COG5: variants seen among roughly 807,000 people sequenced by gnomAD.
COG5 encodes the protein conserved oligomeric Golgi complex subunit 5.
Under a neutral mutation model 110.4 loss-of-function variants are expected in COG5, and 86 were observed. The ratio of observed to expected loss-of-function variants is 0.78; its 90% CI spans 0.65 to 0.93. COG5 has a LOEUF of 0.93. COG5 is among the 40% of genes least tolerant of loss of function. COG5 has a pLI of 0.00. For missense variants in COG5, 1,077 were observed against 987.0 expected (o/e 1.09, Z -1.22); for synonymous variants, 360 against 334.6 (o/e 1.08, Z -0.83).
At chr7:107,392,148 A>C (rs1235853966) in intron 7 of COG5, among the ~76,000 whole-genome samples, 1 of 152,140 alleles carries the variant, frequency 6.6e-6, no homozygotes, top group Admixed American at 6.5e-5. Context: ...TTTCCTCCAG[A>C]GGTTTACCTG....
chr7:107,299,223 T>C (rs1055709554), intron 11 of COG5, among the ~76,000 whole-genome samples: 5 of 151,830 alleles, frequency 3.3e-5, no homozygotes, highest in Admixed American at 6.6e-5. Flanking sequence ...AAACAAGAAA[T>C]ATTGAAACCA....
intron 6 of COG5, among the ~76,000 whole-genome samples, chr7:107,417,741 T>C (rs566502222): frequency 6.6e-6 from 1 of 152,162 alleles, no homozygotes; most frequent in Non-Finnish European, 1.5e-5. Context: ...TATGCTTCTA[T>C]AAGAAATATG....
intron 7 of COG5, among the ~76,000 whole-genome samples, chr7:107,379,480 T>C (rs913549811): frequency 2.6e-5 from 4 of 151,544 alleles, no homozygotes; most frequent in South Asian, 2.1e-4. Context: ...GACTAGTAAA[T>C]TGGATAAAGA....
intron 10 of COG5, among the ~76,000 whole-genome samples, chr7:107,360,239 G>C (rs932499485): frequency 1.3e-5 from 2 of 152,172 alleles, no homozygotes; most frequent in African/African-American, 4.8e-5. Flanking sequence ...TCTCCACTAA[G>C]AGCTGGACAC....
Position 107,297,443 on chromosome 7 carries a change from C to CTTT in COG5, c.1313+696_1313+698dup, listed in dbSNP as rs71314693. ...TACCCAAGGGATGAGTACATTCTGC[C>CTTT]TTTTTTTTTTTTTTTTTTTTTTTGA... On this transcript the variant is annotated intron_variant, in intron 12 of 21. Coordinates refer to ENST00000297135, the MANE Select transcript of COG5 (RefSeq NM_006348.5). Among the ~76,000 whole-genome samples the CTTT allele has an allele frequency of 8.9e-3, 694 of 77,882 alleles. 4 individuals carry two copies. Among genetic ancestry groups the CTTT allele is most frequent in the African/African-American group, 0.015 (284 of 18,798 alleles). The allele number at this position is 77,882 out of a possible 152,430, so 51.1% of individuals were successfully genotyped here.
intron 17 of COG5, among the ~76,000 whole-genome samples, chr7:107,245,017 A>C (rs564460613): frequency 2.4e-4 from 37 of 152,170 alleles, no homozygotes; most frequent in Non-Finnish European, 4.4e-4. Context: ...ACTTCAGGCC[A>C]ATCGAGTAGG....
intron 6 of COG5, among the ~76,000 whole-genome samples, chr7:107,486,999 A>C (rs1189603494): frequency 6.6e-6 from 1 of 152,230 alleles, no homozygotes; most frequent in African/African-American, 2.4e-5. Context: ...TAAAATCATA[A>C]AAATATCCAA....
intron 19 of COG5, among the ~76,000 whole-genome samples, chr7:107,229,825 CTGTT>C (rs1309659632): frequency 7.6e-6 from 1 of 132,160 alleles, no homozygotes; most frequent in African/African-American, 2.7e-5. Context: ...CTAGATTCTT[CTGTT>C]TTTTTTTTGG....
intron 11 of COG5, among the ~76,000 whole-genome samples, chr7:107,298,572 A>C (rs1159254167): frequency 2.6e-5 from 4 of 152,190 alleles, no homozygotes; most frequent in Non-Finnish European, 5.9e-5. Context: ...ATTTAAAAAA[A>C]ATAGAAAAGC....
At chr7:107,342,464 G>A (rs1486793547) in intron 10 of COG5, among the ~76,000 whole-genome samples, 1 of 151,676 alleles carries the variant, frequency 6.6e-6, no homozygotes, top group East Asian at 1.9e-4. Context: ...GATCACCTGA[G>A]GTCAGGAGTT....
intron 7 of COG5, among the ~76,000 whole-genome samples, chr7:107,409,173 T>C (rs1373189935): frequency 9.8e-6 from 1 of 101,716 alleles, no homozygotes; most frequent in Non-Finnish European, 2.0e-5. Flanking sequence ...AGCACAAAGA[T>C]TAAGGAAGTA....
At chr7:107,443,026 T>C (rs1315803758) in intron 6 of COG5, among the ~76,000 whole-genome samples, 1 of 152,160 alleles carries the variant, frequency 6.6e-6, no homozygotes, top group African/African-American at 2.4e-5. Flanking sequence ...ATCTCTCAAA[T>C]TGTATTACCT....
At chr7:107,542,989 G>C (rs1449813424) in intron 5 of COG5, among the ~76,000 whole-genome samples, 2 of 148,594 alleles carry the variant, frequency 1.3e-5, no homozygotes, top group Admixed American at 6.7e-5. Flanking sequence ...AAAAAAAAGG[G>C]AAAAGCAATA....
At chr7:107,333,121 T>G (rs552829970) in intron 10 of COG5, among the ~76,000 whole-genome samples, 1 of 152,280 alleles carries the variant, frequency 6.6e-6, no homozygotes, top group Admixed American at 6.5e-5. Flanking sequence ...ATGCCAGAGA[T>G]CTCTGCGGAT....
chr7:107,252,345 C>A (rs1802578833), intron 16 of COG5, among the ~76,000 whole-genome samples: 2 of 152,054 alleles, frequency 1.3e-5, no homozygotes, highest in African/African-American at 4.8e-5. Flanking sequence ...AAAGCTCATT[C>A]AAGAAGAATA....
At chr7:107,232,557 T>C (rs987717361) in intron 18 of COG5, among the ~76,000 whole-genome samples, 7 of 152,206 alleles carry the variant, frequency 4.6e-5, no homozygotes, top group African/African-American at 1.7e-4. Context: ...AATAAATGGC[T>C]AGGAAAAAGT....
At chr7:107,294,511 T>C (rs909453796) in intron 12 of COG5, among the ~76,000 whole-genome samples, 2 of 152,118 alleles carry the variant, frequency 1.3e-5, no homozygotes, top group African/African-American at 4.8e-5. Flanking sequence ...GTTTATCAGT[T>C]CACATCATTC....
intron 10 of COG5, among the ~76,000 whole-genome samples, chr7:107,336,761 T>G (rs79178161): frequency 6.6e-6 from 1 of 152,170 alleles, no homozygotes; most frequent in African/African-American, 2.4e-5. Flanking sequence ...AACAAAATGA[T>G]GTACAGCAGG....
chr7:107,374,685 A>G (rs943695375), intron 7 of COG5, among the ~76,000 whole-genome samples: 2 of 152,100 alleles, frequency 1.3e-5, no homozygotes, highest in African/African-American at 4.8e-5. Context: ...ATGGTGTATT[A>G]TATTACAAAT....
Sources: gnomAD v4.1 joint callset for allele counts (sites outside exome capture counted in the v4.1 genomes callset) on GRCh38, gnomAD v4.1.1 for gene constraint, MANE v1.5 for transcripts, NCBI Gene and HGNC (gene_info 2026-07-23, HGNC 2026-07-21) for gene names.